The following ATP8B4 variants were observed in gnomAD, a reference collection of about 807,000 sequenced individuals.
The protein encoded by ATP8B4 is probable phospholipid-transporting ATPase IM.
Under a neutral mutation model 145.6 loss-of-function variants are expected in ATP8B4, and 133 were observed. That is an observed-to-expected ratio of 0.91 (90% CI 0.79 to 1.05). The LOEUF is 1.05. Ranked by LOEUF, ATP8B4 falls within the 50% of genes least tolerant of loss-of-function variation. The pLI is 0.00. For missense variants in ATP8B4, 1,458 were observed against 1,425.2 expected (o/e 1.02, Z -0.37); for synonymous variants, 507 against 492.9 (o/e 1.03, Z -0.38).
At chr15:50,061,037 C>G (rs1032069685) in intron 3 of ATP8B4, among the ~76,000 whole-genome samples, 2 of 152,034 alleles carry the variant, frequency 1.3e-5, no homozygotes, top group Non-Finnish European at 2.9e-5. Context: ...ACTGGATTCC[C>G]CCAGTAGGTC....
intron 3 of ATP8B4, among the ~76,000 whole-genome samples, chr15:50,057,017 C>T (rs1156762993): frequency 6.6e-6 from 1 of 152,128 alleles, no homozygotes. Context: ...TGAGCCACCA[C>T]ATTCGGTCAG....
chr15:49,923,531 C>G (rs375735697), intron 16 of ATP8B4, 37 bp from the exon 17 acceptor site: 477 of 1,357,184 alleles, frequency 3.5e-4, no homozygotes, highest in Non-Finnish European at 4.7e-4. Context: ...AGAATATAAT[C>G]AACGTCATAC....
At chr15:49,918,135 T>C (rs914064264) in intron 19 of ATP8B4, among the ~76,000 whole-genome samples, 7 of 152,346 alleles carry the variant, frequency 4.6e-5, no homozygotes, top group Middle Eastern at 3.4e-3. Context: ...ATAAAATCAT[T>C]TTTGTTTTAA....
At chr15:50,179,962 C>T (rs1595674436) in intron 1 of ATP8B4, among the ~76,000 whole-genome samples, 2 of 152,156 alleles carry the variant, frequency 1.3e-5, no homozygotes, top group East Asian at 1.9e-4. Flanking sequence ...ACTGGGACTC[C>T]CAAGGTATAT....
At chr15:50,175,687 A>G (rs2044751298) in intron 1 of ATP8B4, among the ~76,000 whole-genome samples, 1 of 152,156 alleles carries the variant, frequency 6.6e-6, no homozygotes, top group African/African-American at 2.4e-5. Flanking sequence ...TAATTAAAAA[A>G]TCAAAAAACC....
intron 2 of ATP8B4, among the ~76,000 whole-genome samples, chr15:50,089,005 C>T (rs534247342): frequency 1.3e-5 from 2 of 152,132 alleles, no homozygotes; most frequent in African/African-American, 2.4e-5. Context: ...TTTTGGTTAC[C>T]TGACAAAAAC....
At position 49,862,237 on chromosome 15, in the gene ATP8B4, T is replaced by A; in HGVS notation, c.3297+8A>T. On this transcript the variant is annotated splice_region_variant and intron_variant, in intron 27 of 27. Transcript: ENST00000284509. ...AGCCTTCAAGTATTCATCAGCACTG[T>A]GACATACCTGATCACTCAGGGTTGG... is the stretch of plus-strand genomic sequence containing the variant. 6.2e-7 allele frequency: 1 copy of A among 1,612,682 alleles called. No individual in the cohort carries two copies. The highest frequency in any genetic ancestry group is 8.5e-7 in the Non-Finnish European group (1 of 1,179,060).
intron 1 of ATP8B4, among the ~76,000 whole-genome samples, chr15:50,146,746 G>C (rs2044282372): frequency 6.6e-6 from 1 of 152,090 alleles, no homozygotes; most frequent in Admixed American, 6.6e-5. Flanking sequence ...GGTTGTATTG[G>C]GTAAAAGGGA....
intron 25 of ATP8B4, among the ~76,000 whole-genome samples, chr15:49,867,462 T>C (rs16962999): frequency 0.32 from 48,601 of 152,022 alleles, 8,483 homozygotes; most frequent in African/African-American, 0.44. Context: ...TACAGCCTTT[T>C]CTCCCCTCAG....
chr15:50,016,725 C>T (rs75800871), intron 6 of ATP8B4, among the ~76,000 whole-genome samples: 9,921 of 152,188 alleles, frequency 0.065, 359 homozygotes, highest in Non-Finnish European at 0.085. Flanking sequence ...AAAACACTCT[C>T]GTCAGCCAAG....
chr15:50,086,164 A>C (rs1484245354), intron 2 of ATP8B4, among the ~76,000 whole-genome samples: 4 of 19,996 alleles, frequency 2.0e-4, no homozygotes, highest in Non-Finnish European at 2.6e-4. Context: ...ATATATAATA[A>C]AATAATATAG....
chr15:50,094,247 C>T (rs2055806105), intron 2 of ATP8B4, among the ~76,000 whole-genome samples: 1 of 152,052 alleles, frequency 6.6e-6, no homozygotes, highest in African/African-American at 2.4e-5. Flanking sequence ...CTGAATAGAA[C>T]AAAAAGGCTG....
At chr15:49,961,882 T>A in intron 14 of ATP8B4, 95 bp downstream of exon 14, 1 of 1,057,602 alleles carries the variant, frequency 9.5e-7, no homozygotes, top group Non-Finnish European at 1.4e-6. Context: ...TCATCTGGTC[T>A]TGGTGGAAAT....
At chr15:49,977,695 A>G (rs186708384) in intron 12 of ATP8B4, among the ~76,000 whole-genome samples, 41 of 152,308 alleles carry the variant, frequency 2.7e-4, no homozygotes, top group African/African-American at 8.7e-4. Context: ...ATGGTATATT[A>G]TAGAACATCA....
intron 21 of ATP8B4, among the ~76,000 whole-genome samples, chr15:49,900,457 T>C (rs770516419): frequency 3.9e-5 from 6 of 152,338 alleles, no homozygotes; most frequent in Admixed American, 3.3e-4. Flanking sequence ...TGGAGCGTAA[T>C]TGGAGCTTTT....
intron 2 of ATP8B4, among the ~76,000 whole-genome samples, chr15:50,080,841 C>A (rs1365798607): frequency 6.6e-6 from 1 of 152,080 alleles, no homozygotes; most frequent in Non-Finnish European, 1.5e-5. Context: ...GGGCCGGGCG[C>A]AGTGGCTCAC....
chr15:49,903,545 G>A (rs1481328788), intron 20 of ATP8B4, among the ~76,000 whole-genome samples: 1 of 152,044 alleles, frequency 6.6e-6, no homozygotes, highest in East Asian at 1.9e-4. Flanking sequence ...AGGATGGTTG[G>A]AAAAAAGAGT....
At chr15:49,912,554 G>T (rs1434194138) in intron 20 of ATP8B4, among the ~76,000 whole-genome samples, 1 of 152,032 alleles carries the variant, frequency 6.6e-6, no homozygotes, top group Non-Finnish European at 1.5e-5. Flanking sequence ...GAAAAACCCA[G>T]AATTGGATGA....
In ATP8B4 at chr15:50,073,009, TATATATATATACACACACACACACAC is replaced by T. The variant is rs1162579748; in HGVS notation, c.87+1092_87+1117del. Among the ~76,000 whole-genome samples, 82 of 50,570 alleles carry T rather than the reference TATATATATATACACACACACACACAC, an allele frequency of 1.6e-3. 3 individuals carry two copies. In the South Asian group the frequency reaches 0.022, roughly 13 times the overall value. 33.2% of individuals were successfully genotyped at this position (50,570 alleles called of 152,430 possible). A position where few individuals can be genotyped will look rare whatever the true frequency, so the allele number is the denominator to read the frequency against. ...ATATATATATATATATATATATATA[TATATATATATACACACACACACACAC>T]ACACACACACACACACACTATACAT... On this transcript the variant is annotated intron_variant, in intron 3 of 27. Transcript: ENST00000284509.
Sources: gnomAD v4.1 joint callset for allele counts (sites outside exome capture counted in the v4.1 genomes callset) on GRCh38, gnomAD v4.1.1 for gene constraint, MANE v1.5 for transcripts, NCBI Gene and HGNC (gene_info 2026-07-23, HGNC 2026-07-21) for gene names.